Variants in SBK1 observed in about 807,000 individuals in gnomAD.
The protein encoded by SBK1 is serine/threonine-protein kinase SBK1.
In SBK1, 11 loss-of-function variants were observed where a neutral mutation model predicts 24.4. The ratio of observed to expected loss-of-function variants is 0.45; its 90% CI spans 0.28 to 0.75. SBK1 has a LOEUF of 0.75. SBK1 is among the 30% of genes least tolerant of loss of function. SBK1 has a pLI of 0.12. For synonymous variants in SBK1, 308 were observed against 284.4 expected, an observed-to-expected ratio of 1.08 and a Z score of -0.83; for missense variants, 467 against 620.5, an observed-to-expected ratio of 0.75 and a Z score of 2.63.
chr16:28,261,354 G>A (rs2044396351), intron 1 of SBK1, among the ~76,000 whole-genome samples: 1 of 151,644 alleles, frequency 6.6e-6, no homozygotes, highest in South Asian at 2.1e-4. Context: ...CAGACCTTTG[G>A]GAGGCCAAGG....
chr16:28,300,920 G>T (rs2141580699), intron 1 of SBK1, among the ~76,000 whole-genome samples: 1 of 152,346 alleles, frequency 6.6e-6, no homozygotes, highest in Admixed American at 6.5e-5. Flanking sequence ...CCTAGGCTGG[G>T]CTGTCTTCAG....
intron 1 of SBK1, among the ~76,000 whole-genome samples, chr16:28,279,411 AC>A (rs1209486442): frequency 1.3e-4 from 12 of 92,486 alleles, no homozygotes; most frequent in African/African-American, 6.5e-4. Flanking sequence ...AAAAAACAAA[AC>A]CAAAAAAAAA....
chr16:28,317,266 C>G lies in SBK1; in HGVS notation c.-7-119C>G. 1.4e-6 allele frequency: 1 copy of G among 719,676 alleles called. No individual in the cohort carries two copies. 44.6% of individuals were successfully genotyped at this position (719,676 alleles called of 1,614,324 possible). On this transcript the variant is annotated intron_variant, in intron 1 of 3. Coordinates refer to ENST00000341901, the MANE Select transcript of SBK1 (RefSeq NM_001024401.3). This position sits in a 1 kb window ranked among gnomAD's most constrained non-coding sequence, Gnocchi z 4.2. ...ATGCTTGTCGCCCCCTTGTGGTTATCTTGGGCCTGGCATCCGGGCCCATCC... is the reference window on the plus strand; with the variant it reads ...ATGCTTGTCGCCCCCTTGTGGTTATGTTGGGCCTGGCATCCGGGCCCATCC...
At chr16:28,294,308 T>A (rs897806420) in intron 1 of SBK1, among the ~76,000 whole-genome samples, 6 of 152,240 alleles carry the variant, frequency 3.9e-5, no homozygotes, top group South Asian at 2.1e-4. Context: ...AAGAACACAC[T>A]CTGGGCTGCT....
At chr16:28,268,269 G>C (rs1407374267) in intron 1 of SBK1, among the ~76,000 whole-genome samples, 1 of 151,590 alleles carries the variant, frequency 6.6e-6, no homozygotes, top group Non-Finnish European at 1.5e-5. Context: ...TAGAGATAGA[G>C]TCTCACCCTG....
rs2044844693 is a variant in SBK1 at position 28,321,212 on chromosome 16, CA to C, written c.*292del. 3 of 190,980 alleles carry C rather than the reference CA, an allele frequency of 1.6e-5. No homozygotes were observed. Among genetic ancestry groups the C allele is most frequent in the Non-Finnish European group, 2.1e-5 (2 of 94,428 alleles). 11.8% of individuals were successfully genotyped at this position (190,980 alleles called of 1,614,324 possible). A position where few individuals can be genotyped will look rare whatever the true frequency, so the allele number is the denominator to read the frequency against. ...ACACACACACACACACACACACACACACACACACACACACACACACACACAC... is the reference window on the plus strand; with the variant it reads ...ACACACACACACACACACACACACACCACACACACACACACACACACACAC... On this transcript the variant is annotated 3_prime_UTR_variant, in exon 4 of 4. Transcript: ENST00000341901.
At chr16:28,313,440 T>C (rs2044768356) in intron 1 of SBK1, among the ~76,000 whole-genome samples, 1 of 150,740 alleles carries the variant, frequency 6.6e-6, no homozygotes, top group South Asian at 2.1e-4. Context: ...CTACAAAAAA[T>C]ACAAAAATTA....
At position 28,292,553 on chromosome 16, in the gene SBK1, G is replaced by A; in HGVS notation, c.-755G>A. On this transcript the variant is annotated 5_prime_UTR_variant, in exon 1 of 4. Coordinates refer to ENST00000341901, the MANE Select transcript of SBK1 (RefSeq NM_001024401.3). ...GCCGCGATGGAGCGCAGCCCGGGCGGGCGCCGGGGCCGGGGCCCGAGCGCC... is the reference window on the plus strand; with the variant it reads ...GCCGCGATGGAGCGCAGCCCGGGCGAGCGCCGGGGCCGGGGCCCGAGCGCC... 18 of 979,336 alleles carry A rather than the reference G, an allele frequency of 1.8e-5. No homozygotes were observed. The highest frequency in any genetic ancestry group is 2.1e-5 in the Non-Finnish European group (17 of 827,212). The allele number at this position is 979,336 out of a possible 1,614,324, so 60.7% of individuals were successfully genotyped here.
intron 1 of SBK1, among the ~76,000 whole-genome samples, chr16:28,276,302 C>G (rs1012103931): frequency 7.2e-5 from 11 of 152,214 alleles, no homozygotes; most frequent in Admixed American, 3.3e-4. Context: ...AGGAGACTCA[C>G]AGGCGAATTA....
chr16:28,303,214 A>G (rs369685697), intron 1 of SBK1, among the ~76,000 whole-genome samples: 211 of 152,052 alleles, frequency 1.4e-3, no homozygotes, highest in African/African-American at 4.5e-3. Flanking sequence ...TTGGAACACA[A>G]TGAGAGCCAG....
intron 1 of SBK1, among the ~76,000 whole-genome samples, chr16:28,278,841 G>A (rs944963684): frequency 1.2e-4 from 19 of 152,216 alleles, no homozygotes; most frequent in East Asian, 1.9e-4. Flanking sequence ...GGGCAGGATC[G>A]GTGTCAGGTG....
intron 2 of SBK1, 131 bp from the exon 3 acceptor site, chr16:28,318,864 A>G: frequency 1.3e-6 from 1 of 747,922 alleles, no homozygotes; most frequent in Non-Finnish European, 2.4e-6. Flanking sequence ...GTCTGTTCCC[A>G]TCCGTGAGAT....
intron 1 of SBK1, chr16:28,286,989 G>T (rs1015060704): frequency 2.0e-5 from 3 of 152,124 alleles, no homozygotes; most frequent in African/African-American, 7.2e-5. Context: ...CAGCTACCCG[G>T]GAGGCTGAGG....
chr16:28,277,635 G>C (rs1294812455), intron 1 of SBK1, among the ~76,000 whole-genome samples: 1 of 152,186 alleles, frequency 6.6e-6, no homozygotes, highest in Non-Finnish European at 1.5e-5. Context: ...CTCCAGCCTG[G>C]GCGACAGTGA....
Position 28,320,428 on chromosome 16 carries a change from CCTT to C in SBK1, c.787_789del (p.Phe263del). 6.3e-7 allele frequency: 1 copy of C among 1,587,756 alleles called. No individual in the cohort carries two copies. Among genetic ancestry groups the C allele is most frequent in the Non-Finnish European group, 8.5e-7 (1 of 1,173,632 alleles). On this transcript the variant is annotated inframe_deletion, in exon 4 of 4. Transcript: ENST00000341901. The surrounding 1 kb of genome is among the most constrained non-coding windows in gnomAD (Gnocchi z 8.5). ...TGGGAGGCGGCGTCGGGCGCCGACG[CCTT>C]CTTCGAGGAGTTCGTGCGCTGGCAG...
chr16:28,284,526 G>A (rs761605403), intron 1 of SBK1, among the ~76,000 whole-genome samples: 3 of 152,256 alleles, frequency 2.0e-5, no homozygotes, highest in Admixed American at 6.5e-5. Context: ...CAGAGCCATC[G>A]TGAGCAGGAG....
At chr16:28,277,407 T>A (rs914435037) in intron 1 of SBK1, among the ~76,000 whole-genome samples, 1 of 150,880 alleles carries the variant, frequency 6.6e-6, no homozygotes, top group Non-Finnish European at 1.5e-5. Context: ...TGGGGAATGG[T>A]GGCTCACGCC....
chr16:28,321,046 AC>A lies in SBK1; in HGVS notation c.*126del, dbSNP rs936343627. The A allele has an allele frequency of 9.8e-6, 9 of 917,668 alleles. No homozygotes were observed. The African/African-American group carries it at 1.6e-4, about 17-fold the overall frequency. 56.8% of individuals were successfully genotyped at this position (917,668 alleles called of 1,614,324 possible). On this transcript the variant is annotated 3_prime_UTR_variant, in exon 4 of 4. Coordinates refer to ENST00000341901, the MANE Select transcript of SBK1 (RefSeq NM_001024401.3). ...GGGGCGCAGCGGTAGACTAGGCAGGACGCGGCCCGGCACCTGGTCCGTCCCC... is the reference window on the plus strand; with the variant it reads ...GGGGCGCAGCGGTAGACTAGGCAGGAGCGGCCCGGCACCTGGTCCGTCCCC...
chr16:28,280,146 T>TATATATATATATATAC (rs1282170168), intron 1 of SBK1, among the ~76,000 whole-genome samples: 1 of 94,240 alleles, frequency 1.1e-5, no homozygotes, highest in African/African-American at 3.9e-5. Context: ...TATATATATA[T>TATATATATATATATAC]ATATGTGTGT....
Sources: allele counts gnomAD v4.1 joint callset (sites outside exome capture counted in the v4.1 genomes callset), GRCh38; gene constraint gnomAD v4.1.1; non-coding constraint Gnocchi (gnomAD v3.1); transcripts MANE v1.5; gene names NCBI Gene and HGNC (gene_info 2026-07-23, HGNC 2026-07-21).